The following FAM120AOS variants were observed in gnomAD, a reference collection of about 807,000 sequenced individuals.
FAM120AOS encodes the protein family with sequence similarity 120 member A opposite strand, also known as uncharacterized protein FAM120AOS.
FAM120AOS carries 15 observed loss-of-function variants against 20.2 expected under a neutral mutation model. The ratio of observed to expected loss-of-function variants is 0.74; its 90% confidence interval spans 0.50 to 1.15. The LOEUF is 1.15. Ranked by LOEUF, FAM120AOS falls within the 50% of genes most tolerant of loss-of-function variation. The probability of loss-of-function intolerance (pLI) is 0.00; values close to 1 mark genes in which losing one functional copy is unlikely to be tolerated. For synonymous variants in FAM120AOS, 154 were observed against 154.0 expected (o/e 1.00, Z 0.00); for missense variants, 327 against 351.9 (o/e 0.93, Z 0.57).
chr9:93,450,781 T>C, intron 1 of FAM120AOS, 182 bp from the exon 2 acceptor site: 1 of 1,082,214 alleles, frequency 9.2e-7, no homozygotes, highest in Non-Finnish European at 1.4e-6. Context: ...GACAGAGCTT[T>C]GGAACAGAAT....
chr9:93,452,066 G>C lies in FAM120AOS; in HGVS notation c.563+81C>G. The C allele has an allele frequency of 6.3e-7, 1 of 1,596,584 alleles. No homozygotes were observed. The highest frequency in any genetic ancestry group is 8.5e-7 in the Non-Finnish European group (1 of 1,172,386). On this transcript the variant is annotated intron_variant, in intron 1 of 2. Transcript: ENST00000375412. The surrounding 1 kb of genome is among the most constrained non-coding windows in gnomAD (Gnocchi z 7.0). ...CCCGCTGCGCCTGCTGGTGGACGCCGACAACTGCCTGCACCGCCTCTACGG... is the reference window on the plus strand; with the variant it reads ...CCCGCTGCGCCTGCTGGTGGACGCCCACAACTGCCTGCACCGCCTCTACGG...
chr9:93,450,670 G>A, intron 1 of FAM120AOS, 71 bp from the exon 2 acceptor site: 1 of 1,583,566 alleles, frequency 6.3e-7, no homozygotes, highest in South Asian at 1.1e-5. Flanking sequence ...AGAGTGCTGG[G>A]TTTCTAAATT....
In FAM120AOS at chr9:93,445,711, C is replaced by T. The variant is rs749082923; in HGVS notation, c.*1900G>A. ...GCTCAAGTAGTCTTCCCACCTCAGCCTCCTGAGAAGATGGGACTACAGGTG... is the reference window on the plus strand; with the variant it reads ...GCTCAAGTAGTCTTCCCACCTCAGCTTCCTGAGAAGATGGGACTACAGGTG... On this transcript the variant is annotated 3_prime_UTR_variant, in exon 3 of 3. Coordinates refer to ENST00000375412, the MANE Select transcript of FAM120AOS (RefSeq NM_198841.4). Among the ~76,000 whole-genome samples, 1 of 151,416 alleles carries T rather than the reference C, an allele frequency of 6.6e-6. No individual in the cohort carries two copies. Among genetic ancestry groups the T allele is most frequent in the Non-Finnish European group, 1.5e-5 (1 of 67,960 alleles).
chr9:93,451,899 G>T, intron 1 of FAM120AOS: 1 of 1,151,476 alleles, frequency 8.7e-7, no homozygotes, highest in Non-Finnish European at 1.1e-6. Flanking sequence ...ACCCGCGCCC[G>T]CGCCCCCGCC....
At position 93,446,942 on chromosome 9, in the gene FAM120AOS, C is replaced by G. The variant is rs1295240190; in HGVS notation, c.*669G>C. The G allele has an allele frequency of 6.6e-6, 1 of 152,284 alleles. No homozygotes were observed. The highest frequency in any genetic ancestry group is 1.5e-5 in the Non-Finnish European group (1 of 68,090). 9.4% of individuals were successfully genotyped at this position (152,284 alleles called of 1,614,324 possible). A position where few individuals can be genotyped will look rare whatever the true frequency, so the allele number is the denominator to read the frequency against. On this transcript the variant is annotated 3_prime_UTR_variant, in exon 3 of 3. Coordinates refer to ENST00000375412, the MANE Select transcript of FAM120AOS (RefSeq NM_198841.4). ...GCCAGGGCAGTGCTGGTTGCTTTCA[C>G]CCATATGGTCTCCTTTGGTGTTCTG...
intron 2 of FAM120AOS, chr9:93,448,329 A>C (rs1309793426): frequency 1.3e-5 from 2 of 156,276 alleles, no homozygotes; most frequent in African/African-American, 4.8e-5. Context: ...CCCCGTCTCT[A>C]CTAAAAATAC....
At position 93,445,513 on chromosome 9, in the gene FAM120AOS, TA is replaced by T. The variant is rs766303979; in HGVS notation, c.*2097del. Among the ~76,000 whole-genome samples, 19 of 151,382 alleles carry T rather than the reference TA, an allele frequency of 1.3e-4. No individual in the cohort carries two copies. The highest frequency in any genetic ancestry group is 2.7e-4 in the Non-Finnish European group (18 of 67,898). On this transcript the variant is annotated 3_prime_UTR_variant, in exon 3 of 3. Transcript: ENST00000375412. ...ATCAACAGCATCCCAGCTGTATTGT[TA>T]AAAGTACCTGTCATTCTTAGTTCCC...
Position 93,452,240 on chromosome 9 carries a change from G to A in FAM120AOS, c.470C>T (p.Thr157Ile). The A allele has an allele frequency of 6.2e-7, 1 of 1,611,526 alleles. No homozygotes were observed. The highest frequency in any genetic ancestry group is 8.5e-7 in the Non-Finnish European group (1 of 1,179,520). Residue 157 changes from threonine to isoleucine, a missense_variant, in exon 1 of 3, where the codon ACC becomes ATC. By Grantham distance (89) the Thr-to-Ile change is moderately conservative. Coordinates refer to ENST00000375412, the MANE Select transcript of FAM120AOS (RefSeq NM_198841.4). This position sits in a 1 kb window ranked among gnomAD's most constrained non-coding sequence, Gnocchi z 7.0. ...CGAGAAGGCCCGGCTGCACGAGTGG[G>A]TCAAGCGGCAGGGCAACGAGCGCCA... ...AVWRSLPCRLTHSCSRAFSSA... is the reference protein window; with the variant it reads ...AVWRSLPCRLIHSCSRAFSSA...
chr9:93,449,738 G>C (rs533968278), intron 2 of FAM120AOS, among the ~76,000 whole-genome samples: 6 of 151,766 alleles, frequency 4.0e-5, no homozygotes, highest in Admixed American at 1.3e-4. Context: ...TGCCCGCCTC[G>C]GCCTCCCAAC....
Position 93,452,448 on chromosome 9 carries a change from T to A in FAM120AOS, c.262A>T (p.Arg88Trp), listed in dbSNP as rs988977140. The change falls in exon 1 of 3, where the codon AGG becomes TGG. Residue 88 changes from arginine (R) to tryptophan (W), a missense_variant. Around this residue, in one of 3 missense-constraint regions of FAM120AOS, gnomAD observed 155 missense variants for 128.8 expected, o/e 1.20. Coordinates refer to ENST00000375412, the MANE Select transcript of FAM120AOS (RefSeq NM_198841.4). The surrounding 1 kb of genome is among the most constrained non-coding windows in gnomAD (Gnocchi z 7.0). The stretch of plus-strand genomic sequence containing the variant: ...GGGCCGCGCCGCACCCCTATCCCCC[T>A]TCCCAGGGCGCAGAATGTCGCCCGG... ...HGRATFCALGRGIGVRRGPGP... is the reference protein window; with the variant it reads ...HGRATFCALGWGIGVRRGPGP... 6 of 1,555,998 alleles carry A rather than the reference T, an allele frequency of 3.9e-6. No homozygotes were observed. The African/African-American group carries it at 6.8e-5, about 18-fold the overall frequency.
chr9:93,452,969 C>G lies in FAM120AOS; in HGVS notation c.-260G>C. ...TGGCCTCTACTTCAGAACGCAGTGC[C>G]CTGTCCGTGTTCCTCTTAGTACAGG... On this transcript the variant is annotated 5_prime_UTR_variant, in exon 1 of 3. Coordinates refer to ENST00000375412, the MANE Select transcript of FAM120AOS (RefSeq NM_198841.4). This position sits in a 1 kb window ranked among gnomAD's most constrained non-coding sequence, Gnocchi z 7.0. 2 of 1,365,000 alleles carry G rather than the reference C, an allele frequency of 1.5e-6. No individual in the cohort carries two copies. Among genetic ancestry groups the G allele is most frequent in the Non-Finnish European group, 1.9e-6 (2 of 1,062,220 alleles). 84.6% of individuals were successfully genotyped at this position (1,365,000 alleles called of 1,614,324 possible). A position where few individuals can be genotyped will look rare whatever the true frequency, so the allele number is the denominator to read the frequency against.
In FAM120AOS at chr9:93,446,782, A is replaced by C. The variant is rs1588737223; in HGVS notation, c.*829T>G. On this transcript the variant is annotated 3_prime_UTR_variant, in exon 3 of 3. Coordinates refer to ENST00000375412, the MANE Select transcript of FAM120AOS (RefSeq NM_198841.4). ...TTCTCTTCCACATAGATATTTTTGC[A>C]TCAGCCCAAAGCTATTTGGACACAA... is the stretch of plus-strand genomic sequence containing the variant. 6.6e-6 allele frequency: 1 copy of C among 152,236 alleles called. No individual in the cohort carries two copies. Among genetic ancestry groups the C allele is most frequent in the South Asian group, 2.1e-4 (1 of 4,830 alleles). 9.4% of individuals were successfully genotyped at this position (152,236 alleles called of 1,614,324 possible).
At chr9:93,451,457 T>C (rs908537443) in intron 1 of FAM120AOS, 4 of 1,156,976 alleles carry the variant, frequency 3.5e-6, no homozygotes, top group Admixed American at 8.1e-5. Flanking sequence ...GAACGGCCTC[T>C]GGCCTCCAGG....
intron 1 of FAM120AOS, chr9:93,451,192 C>T (rs1857158288): frequency 6.5e-7 from 1 of 1,548,866 alleles, no homozygotes; most frequent in South Asian, 1.2e-5. Flanking sequence ...GTGTGGGCAG[C>T]AGGCCCAGAG....
Position 93,445,580 on chromosome 9 carries a change from G to GTTTT in FAM120AOS, c.*2030_*2031insAAAA, listed in dbSNP as rs749645011. Among the ~76,000 whole-genome samples, 137 of 106,342 alleles carry GTTTT rather than the reference G, an allele frequency of 1.3e-3. No homozygotes were observed. The highest frequency in any genetic ancestry group is 2.4e-3 in the African/African-American group (69 of 28,188). The allele number at this position is 106,342 out of a possible 152,430, so 69.8% of individuals were successfully genotyped here. ...TGGTTCTCCAACTTTCATAAAAATC[G>GTTTT]TTGTTTTTTTTTTTTTTTTTTTTTT... is the stretch of plus-strand genomic sequence containing the variant. On this transcript the variant is annotated 3_prime_UTR_variant, in exon 3 of 3. Coordinates refer to ENST00000375412, the MANE Select transcript of FAM120AOS (RefSeq NM_198841.4).
rs1409767693 is a variant in FAM120AOS at position 93,445,799 on chromosome 9, A to G, written c.*1812T>C. On this transcript the variant is annotated 3_prime_UTR_variant, in exon 3 of 3. Coordinates refer to ENST00000375412, the MANE Select transcript of FAM120AOS (RefSeq NM_198841.4). ...CAATGGGTTTCATCATGTTGCCTCA[A>G]GAAAAATAACATCATGGTAATACTA... Among the ~76,000 whole-genome samples the G allele has an allele frequency of 6.6e-6, 1 of 152,038 alleles. No individual in the cohort carries two copies. Among genetic ancestry groups the G allele is most frequent in the African/African-American group, 2.4e-5 (1 of 41,402 alleles).
chr9:93,450,525 T>G lies in FAM120AOS; in HGVS notation c.638A>C (p.His213Pro), dbSNP rs1445211557. 1 of 1,603,830 alleles carries G rather than the reference T, an allele frequency of 6.2e-7. No individual in the cohort carries two copies. The highest frequency in any genetic ancestry group is 8.5e-7 in the Non-Finnish European group (1 of 1,175,006). ...GGCTTCTTTGGCCAAACCGTGCGCGTGCAGGCTCCATGTGCTGGGCAGCAG... is the reference window on the plus strand; with the variant it reads ...GGCTTCTTTGGCCAAACCGTGCGCGGGCAGGCTCCATGTGCTGGGCAGCAG... ...GQLLPSTWSL[H>P]AHGLAKEAPI... The change falls in exon 2 of 3, where the codon CAC (histidine) becomes CCC (proline). Residue 213 changes from histidine (H) to proline (P), a missense_variant. Physicochemically the swap from His to Pro is moderately conservative, Grantham distance 77 (BLOSUM62 -2). Transcript: ENST00000375412.
chr9:93,447,802 AC>A, intron 2 of FAM120AOS, 105 bp from the exon 3 acceptor site: 1 of 950,696 alleles, frequency 1.1e-6, no homozygotes, highest in Non-Finnish European at 1.6e-6. Context: ...GAGCTCTCCT[AC>A]CCTCTGCTAC....
Position 93,451,685 on chromosome 9 carries a change from C to T in FAM120AOS, c.563+462G>A. 8.1e-6 allele frequency: 8 copies of T among 984,450 alleles called. No individual in the cohort carries two copies. In the South Asian group the frequency reaches 2.3e-4, roughly 28 times the overall value. The allele number at this position is 984,450 out of a possible 1,614,324, so 61.0% of individuals were successfully genotyped here. Reference sequence around the variant, plus strand: ...CCCGGCCCTCAGCCTCGGCCTCGGCCTCGGCCTCGCAGCGGCGGCAGCGGC... The same window carrying T: ...CCCGGCCCTCAGCCTCGGCCTCGGCTTCGGCCTCGCAGCGGCGGCAGCGGC... On this transcript the variant is annotated intron_variant, in intron 1 of 2. Coordinates refer to ENST00000375412, the MANE Select transcript of FAM120AOS (RefSeq NM_198841.4).
Sources: allele counts gnomAD v4.1 joint callset (sites outside exome capture counted in the v4.1 genomes callset), GRCh38; gene constraint gnomAD v4.1.1; regional missense constraint gnomAD v4.1.1; non-coding constraint Gnocchi (gnomAD v3.1); transcripts MANE v1.5; gene names NCBI Gene and HGNC (gene_info 2026-07-23, HGNC 2026-07-21).